Variants in FRAS1 observed in about 807,000 individuals in gnomAD.
FRAS1 encodes the protein extracellular matrix organizing protein FRAS1.
FRAS1 carries 290 observed loss-of-function variants against 435.2 expected under a neutral mutation model. The observed-to-expected ratio is 0.67, with a 90% CI of 0.61 to 0.73. The LOEUF (loss-of-function observed/expected upper bound fraction) is 0.73, where lower values mean the gene tolerates loss of function less well. Ranked by LOEUF, FRAS1 falls within the 30% of genes least tolerant of loss-of-function variation. The pLI is 0.00. For synonymous variants in FRAS1, 1,800 were observed against 1,851.0 expected (o/e 0.97, Z 0.71); for missense variants, 4,860 against 5,001.5 (o/e 0.97, Z 0.85).
At chr4:78,153,827 A>G (rs1488164989) in intron 2 of FRAS1, among the ~76,000 whole-genome samples, 1 of 152,162 alleles carries the variant, frequency 6.6e-6, no homozygotes, top group East Asian at 1.9e-4. Context: ...TTCCCTTGTC[A>G]TATTCTGTGA....
At chr4:78,333,544 G>C (rs1208165117) in intron 19 of FRAS1, 132 bp downstream of exon 19, 4 of 941,322 alleles carry the variant, frequency 4.2e-6, no homozygotes, top group Non-Finnish European at 6.2e-6. Context: ...TCTTGAACTT[G>C]CAGATTCAAA....
rs572469911 is a variant in FRAS1, at chr4:78,195,154, C to T, written c.109-42356C>T. On this transcript the variant is annotated intron_variant, in intron 2 of 73. Coordinates refer to ENST00000512123, the MANE Select transcript of FRAS1 (RefSeq NM_025074.7). Reference sequence around the variant, plus strand: ...GGAAGTTTTGTCTCAGAGGAGTACCCGGCCGTGTGAGGTGTCAGTCTGCCC... The same window carrying T: ...GGAAGTTTTGTCTCAGAGGAGTACCTGGCCGTGTGAGGTGTCAGTCTGCCC... 1.1e-4 allele frequency among the ~76,000 whole-genome samples: 17 copies of T among 152,288 alleles called. No individual in the cohort carries two copies. The East Asian group carries it at 1.5e-3, about 14-fold the overall frequency.
At chr4:78,260,721 C>T (rs1449870099) in intron 6 of FRAS1, among the ~76,000 whole-genome samples, 3 of 152,118 alleles carry the variant, frequency 2.0e-5, no homozygotes. Flanking sequence ...ATTACCCTGG[C>T]CAGAACTTCC....
At chr4:78,152,745 T>C (rs1316080659) in intron 2 of FRAS1, among the ~76,000 whole-genome samples, 1 of 151,990 alleles carries the variant, frequency 6.6e-6, no homozygotes, top group Non-Finnish European at 1.5e-5. Flanking sequence ...CAGACACTTG[T>C]TGAGGTCTCA....
chr4:78,430,306 G>C lies in FRAS1; in HGVS notation c.4858G>C (p.Val1620Leu). Reference protein sequence around the residue: ...GSTSVGLQVVVRDAETAPKEL... With the variant: ...GSTSVGLQVVLRDAETAPKEL... ...CCTTGCTGCAGGACTTCAGGTGGTAGTAAGAGATGCTGAGACAGCGCCCAA... is the reference window on the plus strand; with the variant it reads ...CCTTGCTGCAGGACTTCAGGTGGTACTAAGAGATGCTGAGACAGCGCCCAA... The change falls in exon 37 of 74, where the codon GTA (valine) becomes CTA (leucine). Residue 1620 changes from valine to leucine, a missense_variant. Transcript: ENST00000512123. The C allele has an allele frequency of 6.2e-7, 1 of 1,613,954 alleles. No homozygotes were observed. Among genetic ancestry groups the C allele is most frequent in the Non-Finnish European group, 8.5e-7 (1 of 1,179,882 alleles).
At position 78,363,598 on chromosome 4, in the gene FRAS1, G is replaced by T; in HGVS notation, c.2508G>T (p.Leu836=). ...TCAGGTGCCAGAATGCCCACTACCT[G>T]CTGCTCGGGGACCACTGTGTTCCTG... ...ICLRCQNAHY[L]LLGDHCVPDC... Residue 836 remains leucine, a synonymous_variant, in exon 21 of 74, where the codon CTG becomes CTT. Transcript: ENST00000512123. 6.2e-7 allele frequency: 1 copy of T among 1,609,708 alleles called. No individual in the cohort carries two copies.
intron 60 of FRAS1, among the ~76,000 whole-genome samples, chr4:78,499,151 C>T (rs1319940205): frequency 6.6e-6 from 1 of 152,072 alleles, no homozygotes; most frequent in African/African-American, 2.4e-5. Flanking sequence ...CTGAAAGCAC[C>T]CATACTTACC....
chr4:78,274,412 G>A (rs1726887139), intron 9 of FRAS1, among the ~76,000 whole-genome samples: 1 of 152,136 alleles, frequency 6.6e-6, no homozygotes, highest in African/African-American at 2.4e-5. Context: ...ATGTTAGAGT[G>A]TCAATTTTAG....
intron 14 of FRAS1, among the ~76,000 whole-genome samples, chr4:78,294,695 C>T (rs544252466): frequency 1.7e-4 from 26 of 152,182 alleles, no homozygotes; most frequent in Middle Eastern, 3.4e-3. Context: ...TTACTCAAGA[C>T]GGGTAAATCA....
chr4:78,278,190 A>G (rs1013923300), intron 9 of FRAS1, among the ~76,000 whole-genome samples: 17 of 152,310 alleles, frequency 1.1e-4, no homozygotes, highest in Non-Finnish European at 2.2e-4. Flanking sequence ...TCTACTGCTT[A>G]ATTTATGCTT....
chr4:78,151,482 C>T (rs781479977), intron 2 of FRAS1, among the ~76,000 whole-genome samples: 8 of 152,064 alleles, frequency 5.3e-5, no homozygotes, highest in Non-Finnish European at 1.2e-4. Flanking sequence ...AGTCACTTGC[C>T]CCACTATCCA....
Position 78,513,559 on chromosome 4 carries a change from T to G in FRAS1, c.10174+7T>G, listed in dbSNP as rs1165187933. On this transcript the variant is annotated splice_region_variant and intron_variant, in intron 65 of 73. Coordinates refer to ENST00000512123, the MANE Select transcript of FRAS1 (RefSeq NM_025074.7). ...GACCTGAGAGGCATCTCAGGTGAGA[T>G]TGACAAGTTCAGGACTGGTCTTTCC... 5.0e-6 allele frequency: 8 copies of G among 1,612,832 alleles called. No homozygotes were observed. The highest frequency in any genetic ancestry group is 6.8e-6 in the Non-Finnish European group (8 of 1,179,452).
intron 29 of FRAS1, among the ~76,000 whole-genome samples, chr4:78,392,794 GA>G (rs201789127): frequency 2.4e-3 from 359 of 149,752 alleles, no homozygotes; most frequent in African/African-American, 8.4e-3. Context: ...ATCATGTACA[GA>G]AAAAAAAATA....
chr4:78,067,080 A>G (rs1217695050), intron 2 of FRAS1, among the ~76,000 whole-genome samples: 2 of 152,210 alleles, frequency 1.3e-5, no homozygotes, highest in African/African-American at 4.8e-5. Flanking sequence ...TTGGGGAGCT[A>G]CAGTAGATAT....
chr4:78,428,026 T>C (rs888208186), intron 35 of FRAS1, among the ~76,000 whole-genome samples: 1 of 152,174 alleles, frequency 6.6e-6, no homozygotes, highest in Non-Finnish European at 1.5e-5. Flanking sequence ...GATAAACACA[T>C]TGATGAGCTG....
intron 7 of FRAS1, among the ~76,000 whole-genome samples, chr4:78,266,167 T>G (rs977597149): frequency 3.9e-5 from 6 of 152,148 alleles, no homozygotes; most frequent in Non-Finnish European, 8.8e-5. Context: ...GTTTCTCAAT[T>G]CAGGTCTCAA....
intron 69 of FRAS1, among the ~76,000 whole-genome samples, chr4:78,523,719 C>A (rs1404881244): frequency 1.3e-5 from 2 of 152,106 alleles, no homozygotes; most frequent in Non-Finnish European, 2.9e-5. Flanking sequence ...AAATTGATAT[C>A]TAATAACCTT....
At chr4:78,133,837 C>A (rs1301011581) in intron 2 of FRAS1, among the ~76,000 whole-genome samples, 1 of 152,074 alleles carries the variant, frequency 6.6e-6, no homozygotes, top group African/African-American at 2.4e-5. Context: ...ACAAAGGAAT[C>A]ACGGGCTTTG....
intron 38 of FRAS1, among the ~76,000 whole-genome samples, chr4:78,437,163 T>C (rs1047634748): frequency 3.5e-4 from 53 of 152,218 alleles, no homozygotes; most frequent in African/African-American, 1.2e-3. Flanking sequence ...AGATTTGAAA[T>C]ATATAGTAAG....
Sources: gnomAD v4.1 joint callset for allele counts (sites outside exome capture counted in the v4.1 genomes callset) on GRCh38, gnomAD v4.1.1 for gene constraint, MANE v1.5 for transcripts, NCBI Gene and HGNC (gene_info 2026-07-23, HGNC 2026-07-21) for gene names.